The following RPH3AL variants were observed in gnomAD, a reference collection of about 807,000 sequenced individuals.
RPH3AL encodes the protein rab effector Noc2.
RPH3AL carries 38 observed loss-of-function variants against 43.1 expected under a neutral mutation model. The observed-to-expected ratio is 0.88, with a 90% CI of 0.68 to 1.15. The LOEUF is 1.15. Ranked by LOEUF, RPH3AL falls within the 50% of genes most tolerant of loss-of-function variation. The pLI is 0.00. For missense variants in RPH3AL, 462 were observed against 423.2 expected (o/e 1.09, Z -0.81); for synonymous variants, 189 against 176.3 (o/e 1.07, Z -0.57).
intron 7 of RPH3AL, among the ~76,000 whole-genome samples, chr17:235,531 CACACTAACAA>C (rs2041355229): frequency 3.3e-4 from 21 of 63,690 alleles, no homozygotes; most frequent in East Asian, 4.1e-4. Flanking sequence ...GCGGAGGCTC[CACACTAACAA>C]GACGGGTCCC....
chr17:313,757 A>T (rs1306823823), intron 5 of RPH3AL, among the ~76,000 whole-genome samples: 1 of 152,178 alleles, frequency 6.6e-6, no homozygotes, highest in Non-Finnish European at 1.5e-5. Flanking sequence ...CAGGGCTTGC[A>T]CACAATGGGC....
At chr17:231,445 G>A (rs1405628998) in intron 7 of RPH3AL, among the ~76,000 whole-genome samples, 1 of 152,232 alleles carries the variant, frequency 6.6e-6, no homozygotes, top group Non-Finnish European at 1.5e-5. Flanking sequence ...AATCAGCTGA[G>A]CCCCACGTGC....
Position 281,865 on chromosome 17 carries a change from G to C in RPH3AL, c.352-11C>G. On this transcript the variant is annotated splice_polypyrimidine_tract_variant and intron_variant, in intron 5 of 9. Transcript: ENST00000331302. Reference sequence around the variant, plus strand: ...TTTGGTGCAGACTTTCTACAAGAGAGAGGACATGGGGTTGTAAAGATTGCA... The same window carrying C: ...TTTGGTGCAGACTTTCTACAAGAGACAGGACATGGGGTTGTAAAGATTGCA... 1 of 1,610,044 alleles carries C rather than the reference G, an allele frequency of 6.2e-7. No individual in the cohort carries two copies. Among genetic ancestry groups the C allele is most frequent in the African/African-American group, 1.3e-5 (1 of 74,938 alleles).
rs1567571372 is a variant in RPH3AL at position 235,678 on chromosome 17, CTCTACACTAACAA to C, written c.613+11420_613+11432del. Among the ~76,000 whole-genome samples the C allele has an allele frequency of 3.4e-5, 3 of 86,964 alleles. 1 individual carries two copies. Among genetic ancestry groups the C allele is most frequent in the African/African-American group, 1.3e-4 (3 of 22,854 alleles). 57.1% of individuals were successfully genotyped at this position (86,964 alleles called of 152,430 possible). On this transcript the variant is annotated intron_variant, in intron 7 of 9. Transcript: ENST00000331302. The stretch of plus-strand genomic sequence containing the variant: ...GGTTCAAAGCTGGGGTCAGCGGAGG[CTCTACACTAACAA>C]GACAGGTCCCGGGTTCAAAGCTGGG...
At chr17:233,554 C>T (rs141809316) in intron 7 of RPH3AL, among the ~76,000 whole-genome samples, 29 of 152,234 alleles carry the variant, frequency 1.9e-4, no homozygotes, top group Admixed American at 3.3e-4. Context: ...GTCACACAGA[C>T]GTGACCTGGT....
intron 6 of RPH3AL, among the ~76,000 whole-genome samples, chr17:272,498 C>T (rs532425778): frequency 1.1e-4 from 16 of 150,020 alleles, no homozygotes; most frequent in African/African-American, 2.9e-4. Context: ...AGCAAACTAT[C>T]GCAAGGACAG....
intron 8 of RPH3AL, among the ~76,000 whole-genome samples, chr17:219,143 G>A (rs940131712): frequency 2.7e-5 from 4 of 149,974 alleles, no homozygotes; most frequent in African/African-American, 9.9e-5. Context: ...GACACCCACT[G>A]GGAAGCAGCA....
At chr17:232,699 CA>C (rs2041255983) in intron 7 of RPH3AL, among the ~76,000 whole-genome samples, 1 of 152,172 alleles carries the variant, frequency 6.6e-6, no homozygotes, top group African/African-American at 2.4e-5. Flanking sequence ...TTTCTTGACC[CA>C]AACAGCAGAC....
chr17:321,349 G>C lies in RPH3AL; in HGVS notation c.144C>G (p.Ser48Arg). The change falls in exon 4 of 10, where the codon AGC becomes AGG. Residue 48 changes from serine (S) to arginine (R), a missense_variant. Transcript: ENST00000331302. Reference sequence around the variant, plus strand: ...GCAGGATGGCCTCCACCTCCGCCGGGCTGAGGTGCTGCTTCCTCCTCTGCT... The same window carrying C: ...GCAGGATGGCCTCCACCTCCGCCGGCCTGAGGTGCTGCTTCCTCCTCTGCT... ...TEKQRRKQHL[S>R]PAEVEAILQV... 14 of 1,611,628 alleles carry C rather than the reference G, an allele frequency of 8.7e-6. No individual in the cohort carries two copies. The highest frequency in any genetic ancestry group is 1.2e-5 in the Non-Finnish European group (14 of 1,179,916).
intron 6 of RPH3AL, among the ~76,000 whole-genome samples, chr17:278,202 C>G (rs375417675): frequency 2.6e-4 from 40 of 152,230 alleles, no homozygotes; most frequent in African/African-American, 7.7e-4. Context: ...ATGAGTCTCA[C>G]GAGATCTGAT....
intron 5 of RPH3AL, among the ~76,000 whole-genome samples, chr17:301,110 G>A (rs527316206): frequency 6.6e-6 from 1 of 152,390 alleles, no homozygotes; most frequent in Non-Finnish European, 1.5e-5. Flanking sequence ...CCCAGGGCTG[G>A]GTGCTACCTC....
At chr17:275,307 A>AT (rs1418869615) in intron 6 of RPH3AL, among the ~76,000 whole-genome samples, 1 of 152,042 alleles carries the variant, frequency 6.6e-6, no homozygotes, top group East Asian at 1.9e-4. Context: ...ATAGGTACGT[A>AT]TTTTTTACAA....
chr17:228,480 G>C (rs1408778695), intron 7 of RPH3AL, among the ~76,000 whole-genome samples: 2 of 152,172 alleles, frequency 1.3e-5, no homozygotes, highest in African/African-American at 4.8e-5. Flanking sequence ...ATAGGCAAGA[G>C]CTGTTACATT....
chr17:336,278 C>T (rs1042784924), intron 1 of RPH3AL, among the ~76,000 whole-genome samples: 1 of 152,202 alleles, frequency 6.6e-6, no homozygotes, highest in African/African-American at 2.4e-5. Context: ...CTCCACCTGT[C>T]AGGCGGCGCT....
chr17:302,496 G>A (rs1026686902), intron 5 of RPH3AL, among the ~76,000 whole-genome samples: 13 of 152,204 alleles, frequency 8.5e-5, no homozygotes, highest in Admixed American at 6.5e-4. Context: ...TGTGCGGTGC[G>A]GGGAGGAGAG....
rs559857516 is a variant in RPH3AL at position 289,212 on chromosome 17, G to A, written c.352-7358C>T. ...GGTTGCAGATGAGGGGATCAAGGGA[G>A]ACGGTCATGAAAGTGCTCAGCACCA... On this transcript the variant is annotated intron_variant, in intron 5 of 9. Coordinates refer to ENST00000331302, the MANE Select transcript of RPH3AL (RefSeq NM_006987.4). This position sits in a 1 kb window ranked among gnomAD's most constrained non-coding sequence, Gnocchi z 5.2. Among the ~76,000 whole-genome samples the A allele has an allele frequency of 6.6e-6, 1 of 152,090 alleles. No homozygotes were observed. The highest frequency in any genetic ancestry group is 1.9e-4 in the East Asian group (1 of 5,178).
chr17:312,718 G>A (rs899518691), intron 5 of RPH3AL, among the ~76,000 whole-genome samples: 1 of 152,188 alleles, frequency 6.6e-6, no homozygotes, highest in Non-Finnish European at 1.5e-5. Context: ...ATCCATCAAC[G>A]ATGACAGAAG....
At chr17:324,958 CTA>C (rs1167646148) in intron 3 of RPH3AL, among the ~76,000 whole-genome samples, 3 of 152,132 alleles carry the variant, frequency 2.0e-5, no homozygotes, top group African/African-American at 7.2e-5. Context: ...AATGCCTGAC[CTA>C]TGATCCACCT....
intron 5 of RPH3AL, among the ~76,000 whole-genome samples, chr17:299,898 TGTCCCGGGGGAGAAGGA>T (rs1373795690): frequency 6.6e-6 from 1 of 152,208 alleles, no homozygotes; most frequent in African/African-American, 2.4e-5. Flanking sequence ...AGGGGGCAGG[TGTCCCGGGGGAGAAGGA>T]GTCCCTGCAG....
Sources: gnomAD v4.1 joint callset for allele counts (sites outside exome capture counted in the v4.1 genomes callset) on GRCh38, gnomAD v4.1.1 for gene constraint, Gnocchi (gnomAD v3.1) non-coding constraint, MANE v1.5 for transcripts, NCBI Gene and HGNC (gene_info 2026-07-23, HGNC 2026-07-21) for gene names.